Variants in MDN1 observed in about 807,000 individuals in gnomAD.
MDN1 encodes midasin.
MDN1 carries 266 observed loss-of-function variants against 669.2 expected under a neutral mutation model. The ratio of observed to expected loss-of-function variants is 0.40; its 90% CI spans 0.36 to 0.44. The LOEUF is 0.44. Among genes scored for constraint, MDN1 ranks in the 20% least tolerant of loss-of-function variants. The probability of loss-of-function intolerance (pLI) is 1.00; values close to 1 mark genes in which losing one functional copy is unlikely to be tolerated. For missense variants in MDN1, 5,940 were observed against 6,754.0 expected, an observed-to-expected ratio of 0.88 and a Z score of 4.22; for synonymous variants, 2,385 against 2,457.1, an observed-to-expected ratio of 0.97 and a Z score of 0.87.
In MDN1 at chr6:89,685,992, A is replaced by G. The variant is rs1811976995; in HGVS notation, c.11573-19T>C. 6.2e-7 allele frequency: 1 copy of G among 1,609,122 alleles called. No homozygotes were observed. Among genetic ancestry groups the G allele is most frequent in the Admixed American group, 1.7e-5 (1 of 59,070 alleles). On this transcript the variant is annotated intron_variant, in intron 69 of 101. Coordinates refer to ENST00000369393, the MANE Select transcript of MDN1 (RefSeq NM_014611.3). The stretch of plus-strand genomic sequence containing the variant: ...TTGTCATCTTTAAAAATTCAAAGAG[A>G]AAAATATATATGTTCCTTCGACCAT...
rs1370739502 is a variant in MDN1 at position 89,701,576 on chromosome 6, TC to T, written c.8408del (p.Gly2803AspfsTer18). 1 of 1,614,150 alleles carries T rather than the reference TC, an allele frequency of 6.2e-7. No homozygotes were observed. Among genetic ancestry groups the T allele is most frequent in the South Asian group, 1.1e-5 (1 of 91,072 alleles). On this transcript the variant is annotated frameshift_variant, in exon 55 of 102. Coordinates refer to ENST00000369393, the MANE Select transcript of MDN1 (RefSeq NM_014611.3). LOFTEE classifies it high-confidence loss of function. ...GGTGTACCTTAAAAGGAAACGGTCG[TC>T]CCAGGAACTTCTGCAACTTCTTTAT... The part of the protein sequence containing the change: ...AGIKKLQKFL[G>X]RPFPFKDKLV...
At chr6:89,742,495 T>C (rs1816345501) in intron 31 of MDN1, among the ~76,000 whole-genome samples, 1 of 152,216 alleles carries the variant, frequency 6.6e-6, no homozygotes, top group Non-Finnish European at 1.5e-5. Context: ...TGGCTAGCTC[T>C]GCAACTACTA....
At position 89,750,981 on chromosome 6, in the gene MDN1, C is replaced by CT. The variant is rs549297219; in HGVS notation, c.3227+449dup. Among the ~76,000 whole-genome samples the CT allele has an allele frequency of 3.3e-4, 49 of 149,620 alleles. 1 individual carries two copies. In the East Asian group the frequency reaches 8.4e-3, roughly 26 times the overall value. ...ATCATTAAAAGAGCATTTTTTTTTC[C>CT]TTTTTTTTCCCCTTTTTACATTTCT... On this transcript the variant is annotated intron_variant, in intron 23 of 101. Transcript: ENST00000369393.
Position 89,674,395 on chromosome 6 carries a change from C to T in MDN1, c.12956G>A (p.Gly4319Asp). Reference protein sequence around the residue: ...QCCPSVGPAPGHGNVQVLGQP... With the variant: ...QCCPSVGPAPDHGNVQVLGQP... ...CCCCAGTACCTGGACATTGCCATGG[C>T]CTGGAGCTGGCCCTACACTGGGGCA... The change falls in exon 79 of 102, where the codon GGC (glycine) becomes GAC (aspartate). Residue 4319 changes from glycine to aspartate, a missense_variant. Gly to Asp is a moderately conservative substitution (Grantham distance 94). Coordinates refer to ENST00000369393, the MANE Select transcript of MDN1 (RefSeq NM_014611.3). 4 of 1,614,192 alleles carry T rather than the reference C, an allele frequency of 2.5e-6. No individual in the cohort carries two copies. Among genetic ancestry groups the T allele is most frequent in the Non-Finnish European group, 3.4e-6 (4 of 1,180,038 alleles).
intron 8 of MDN1, among the ~76,000 whole-genome samples, chr6:89,787,508 C>T (rs572472136): frequency 6.6e-6 from 1 of 152,270 alleles, no homozygotes; most frequent in South Asian, 2.1e-4. Context: ...GTATTATTAA[C>T]CCCATCATAA....
In MDN1 at chr6:89,731,008, CG is replaced by C. The variant is rs1242904656; in HGVS notation, c.4943-86del. 8.6e-6 allele frequency: 11 copies of C among 1,272,218 alleles called. No homozygotes were observed. In the African/African-American group the frequency reaches 1.7e-4, roughly 19 times the overall value. 78.8% of individuals were successfully genotyped at this position (1,272,218 alleles called of 1,614,324 possible). ...AAGCAGGAGCTCTAGCACAGGTTCCCGGAAAAAAGAGGCCTCAGCAAAACTG... is the reference window on the plus strand; with the variant it reads ...AAGCAGGAGCTCTAGCACAGGTTCCCGAAAAAAGAGGCCTCAGCAAAACTG... On this transcript the variant is annotated intron_variant, in intron 34 of 101. Coordinates refer to ENST00000369393, the MANE Select transcript of MDN1 (RefSeq NM_014611.3).
At chr6:89,759,944 C>A (rs1471767163) in intron 17 of MDN1, among the ~76,000 whole-genome samples, 1 of 151,830 alleles carries the variant, frequency 6.6e-6, no homozygotes, top group East Asian at 1.9e-4. Flanking sequence ...TGGTGGCACA[C>A]ACCTGTAATC....
chr6:89,661,247 C>A (rs1809741799), intron 88 of MDN1, among the ~76,000 whole-genome samples, 184 bp downstream of exon 88: 3 of 152,168 alleles, frequency 2.0e-5, no homozygotes, highest in Admixed American at 6.5e-5. Context: ...GGTTGATGAG[C>A]TGTAGGGATA....
chr6:89,781,158 C>T (rs767218918), intron 10 of MDN1: 3 of 529,464 alleles, frequency 5.7e-6, no homozygotes, highest in East Asian at 6.6e-5. Context: ...AAAACATTAC[C>T]CTAATCGAGC....
intron 88 of MDN1, among the ~76,000 whole-genome samples, chr6:89,659,293 A>G (rs891917353): frequency 6.6e-6 from 1 of 152,216 alleles, no homozygotes; most frequent in Admixed American, 6.5e-5. Flanking sequence ...GGATCACTTG[A>G]GCCCAGGAGG....
rs1318802827 is a variant in MDN1 at position 89,817,317 on chromosome 6, T to C, written c.102+2189A>G. On this transcript the variant is annotated intron_variant, in intron 1 of 101. Transcript: ENST00000369393. ...ATATTTTAGAGTTTGACACTTTTCA[T>C]TGACAAAAGTATCACAATTTGGGAG... Among the ~76,000 whole-genome samples, 5 of 152,326 alleles carry C rather than the reference T, an allele frequency of 3.3e-5. No homozygotes were observed. In the East Asian group the frequency reaches 5.8e-4, roughly 18 times the overall value.
chr6:89,677,806 G>A (rs1811313977), intron 75 of MDN1, 110 bp from the exon 76 acceptor site: 4 of 1,432,740 alleles, frequency 2.8e-6, no homozygotes, highest in Middle Eastern at 1.8e-4. Flanking sequence ...TCACCTGAGA[G>A]CTTGTTAGAA....
chr6:89,706,957 AC>A (rs1027147282), intron 52 of MDN1, among the ~76,000 whole-genome samples: 3 of 152,100 alleles, frequency 2.0e-5, no homozygotes, highest in African/African-American at 4.8e-5. Context: ...CAAAAAAAAA[AC>A]ATGGGAGAAA....
At position 89,655,932 on chromosome 6, in the gene MDN1, G is replaced by A. The variant is rs574322414; in HGVS notation, c.15322C>T (p.Arg5108Cys). 8.7e-6 allele frequency: 14 copies of A among 1,613,964 alleles called. No individual in the cohort carries two copies. Among genetic ancestry groups the A allele is most frequent in the Admixed American group, 1.7e-5 (1 of 60,004 alleles). Residue 5108 changes from arginine (R) to cysteine (C), a missense_variant, in exon 92 of 102, where the codon CGT becomes TGT. Physicochemically the swap from Arg to Cys is radical, Grantham distance 180. Transcript: ENST00000369393. ...CGCTCATTGTGATCACCCATGGAACGTTCATTGTCAGCCTGCCCAGGTTTC... is the reference window on the plus strand; with the variant it reads ...CGCTCATTGTGATCACCCATGGAACATTCATTGTCAGCCTGCCCAGGTTTC... ...KRKPGQADNE[R>C]SMGDHNERVH...
intron 31 of MDN1, among the ~76,000 whole-genome samples, chr6:89,742,207 G>A (rs1487939655): frequency 1.3e-5 from 2 of 152,174 alleles, no homozygotes; most frequent in Non-Finnish European, 2.9e-5. Context: ...GAGGTCAGGA[G>A]TTCAAGACCA....
chr6:89,804,860 C>T (rs983578630), intron 1 of MDN1, among the ~76,000 whole-genome samples: 1 of 151,878 alleles, frequency 6.6e-6, no homozygotes, highest in African/African-American at 2.4e-5. Context: ...TGGTGAAACC[C>T]TGTCTCTACT....
chr6:89,687,461 T>A, intron 67 of MDN1, 23 bp from the exon 68 acceptor site: 1 of 1,597,864 alleles, frequency 6.3e-7, no homozygotes. Context: ...AGATAAAATT[T>A]ACTACAGATA....
intron 1 of MDN1, among the ~76,000 whole-genome samples, chr6:89,813,034 A>G (rs1768546265): frequency 6.6e-6 from 1 of 151,648 alleles, no homozygotes; most frequent in African/African-American, 2.4e-5. Context: ...TCTGCCTCCC[A>G]GGTTCAAGAG....
At chr6:89,731,716 T>C (rs1025934484) in intron 34 of MDN1, among the ~76,000 whole-genome samples, 6 of 152,178 alleles carry the variant, frequency 3.9e-5, no homozygotes, top group African/African-American at 1.4e-4. Flanking sequence ...CCATGGCACA[T>C]GTATACTTAT....
Sources: allele counts gnomAD v4.1 joint callset (sites outside exome capture counted in the v4.1 genomes callset), GRCh38; gene constraint gnomAD v4.1.1; transcripts MANE v1.5; gene names NCBI Gene and HGNC (gene_info 2026-07-23, HGNC 2026-07-21).